TMEM132D: variants seen among roughly 807,000 people sequenced by gnomAD.
TMEM132D encodes the protein mature OL transmembrane protein.
Under a neutral mutation model 62.3 loss-of-function variants are expected in TMEM132D, and 21 were observed. The ratio of observed to expected loss-of-function variants is 0.34; its 90% confidence interval spans 0.24 to 0.49. TMEM132D has a LOEUF of 0.49. Among genes scored for constraint, TMEM132D ranks in the 20% least tolerant of loss-of-function variants. The pLI, the probability that TMEM132D is intolerant of heterozygous loss-of-function variation, is 0.99. For synonymous variants in TMEM132D, 621 were observed against 575.6 expected (o/e 1.08, Z -1.13); for missense variants, 1,346 against 1,402.8 (o/e 0.96, Z 0.65).
At chr12:129,213,125 C>T (rs906650293) in intron 4 of TMEM132D, among the ~76,000 whole-genome samples, 3 of 152,146 alleles carry the variant, frequency 2.0e-5, no homozygotes, top group Admixed American at 6.5e-5. Context: ...GGGGCTGATC[C>T]TGCAGGGGAT....
At chr12:129,811,212 T>C (rs1440450659) in intron 1 of TMEM132D, among the ~76,000 whole-genome samples, 1 of 151,618 alleles carries the variant, frequency 6.6e-6, no homozygotes, top group East Asian at 1.9e-4. Context: ...AAATGTACAA[T>C]ATTATAAAGA....
intron 2 of TMEM132D, among the ~76,000 whole-genome samples, chr12:129,571,747 C>A (rs994593428): frequency 1.3e-5 from 2 of 151,904 alleles, no homozygotes; most frequent in African/African-American, 4.8e-5. Flanking sequence ...GTAAATTGAC[C>A]CCATTTTTGA....
At chr12:129,368,263 G>GTGTGTGTGTA (rs1281585628) in intron 3 of TMEM132D, among the ~76,000 whole-genome samples, 1 of 150,966 alleles carries the variant, frequency 6.6e-6, no homozygotes, top group African/African-American at 2.4e-5. Context: ...GTGTGTGTGT[G>GTGTGTGTGTA]TACACATACA....
chr12:129,244,409 AC>A (rs775048389), intron 4 of TMEM132D, among the ~76,000 whole-genome samples: 159 of 141,640 alleles, frequency 1.1e-3, no homozygotes, highest in African/African-American at 2.4e-3. Context: ...AAAAAAAAAA[AC>A]AAACAAAAAG....
chr12:129,877,296 C>T (rs1874445484), intron 1 of TMEM132D, among the ~76,000 whole-genome samples: 1 of 151,456 alleles, frequency 6.6e-6, no homozygotes, highest in Non-Finnish European at 1.5e-5. Flanking sequence ...GAGAACCACA[C>T]ACTGTGGGTA....
intron 3 of TMEM132D, among the ~76,000 whole-genome samples, chr12:129,424,013 G>C (rs1034786245): frequency 6.6e-6 from 1 of 152,032 alleles, no homozygotes; most frequent in Non-Finnish European, 1.5e-5. Flanking sequence ...CCAGCCTTTT[G>C]TTACCCGTTC....
chr12:129,408,445 T>TC (rs1319425215), intron 3 of TMEM132D, among the ~76,000 whole-genome samples: 1 of 151,944 alleles, frequency 6.6e-6, no homozygotes, highest in African/African-American at 2.4e-5. Flanking sequence ...AGTAGCTTTT[T>TC]TTTTTTTTAT....
intron 3 of TMEM132D, among the ~76,000 whole-genome samples, chr12:129,462,038 A>G (rs1000900788): frequency 8.5e-5 from 13 of 152,216 alleles, no homozygotes; most frequent in African/African-American, 3.1e-4. Context: ...ACTCAAGGCC[A>G]CAGAGCCAAC....
chr12:129,591,450 A>G (rs528567570), intron 2 of TMEM132D, among the ~76,000 whole-genome samples: 1 of 152,194 alleles, frequency 6.6e-6, no homozygotes, highest in East Asian at 1.9e-4. Flanking sequence ...GGCTTCATAC[A>G]TTCCATTCTT....
At chr12:129,502,198 A>C (rs1409765387) in intron 3 of TMEM132D, among the ~76,000 whole-genome samples, 1 of 151,724 alleles carries the variant, frequency 6.6e-6, no homozygotes, top group Non-Finnish European at 1.5e-5. Context: ...ACGGGGTTTC[A>C]CTGTGTTAGC....
intron 2 of TMEM132D, among the ~76,000 whole-genome samples, chr12:129,675,152 G>A (rs1593115356): frequency 6.6e-6 from 1 of 152,096 alleles, no homozygotes; most frequent in African/African-American, 2.4e-5. Context: ...CAAGAAAAGG[G>A]ATACAAAGCT....
chr12:129,504,046 A>C (rs1875253677), intron 3 of TMEM132D, among the ~76,000 whole-genome samples: 1 of 151,300 alleles, frequency 6.6e-6, no homozygotes, highest in Non-Finnish European at 1.5e-5. Context: ...CATTACTGTC[A>C]TCATCATCAT....
intron 3 of TMEM132D, among the ~76,000 whole-genome samples, chr12:129,513,972 G>A (rs989541646): frequency 6.6e-6 from 1 of 150,878 alleles, no homozygotes; most frequent in Non-Finnish European, 1.5e-5. Context: ...CGAGTAGCTG[G>A]GACTACAGGC....
At chr12:129,238,885 T>C (rs1879857020) in intron 4 of TMEM132D, among the ~76,000 whole-genome samples, 1 of 152,234 alleles carries the variant, frequency 6.6e-6, no homozygotes, top group Non-Finnish European at 1.5e-5. Context: ...CTATGTTCAA[T>C]TGAGGAATTG....
chr12:129,884,311 TAAAC>T (rs1467764646), intron 1 of TMEM132D, among the ~76,000 whole-genome samples: 1 of 152,192 alleles, frequency 6.6e-6, no homozygotes, highest in Non-Finnish European at 1.5e-5. Flanking sequence ...CATGTTAAAA[TAAAC>T]AACATGCTAT....
At chr12:129,518,742 T>C (rs993503811) in intron 3 of TMEM132D, among the ~76,000 whole-genome samples, 2 of 152,150 alleles carry the variant, frequency 1.3e-5, no homozygotes, top group African/African-American at 4.8e-5. Flanking sequence ...CTCTGTTACA[T>C]TTTGCTTGTG....
chr12:129,087,719 C>T (rs570667053), intron 5 of TMEM132D, among the ~76,000 whole-genome samples: 31 of 152,330 alleles, frequency 2.0e-4, no homozygotes, highest in Non-Finnish European at 3.4e-4. Context: ...TTCAGACTTT[C>T]GGCCTTCAGA....
At chr12:129,318,483 C>T (rs1178369855) in intron 4 of TMEM132D, among the ~76,000 whole-genome samples, 2 of 152,142 alleles carry the variant, frequency 1.3e-5, no homozygotes, top group African/African-American at 2.4e-5. Context: ...GCATAGAGTC[C>T]TGTGATGTGA....
At chr12:129,431,070 G>A (rs368921954) in intron 3 of TMEM132D, among the ~76,000 whole-genome samples, 1 of 152,178 alleles carries the variant, frequency 6.6e-6, no homozygotes, top group Admixed American at 6.5e-5. Context: ...TCTTGGGCAG[G>A]GGGCTTCCAG....
Sources: allele counts gnomAD v4.1 joint callset (sites outside exome capture counted in the v4.1 genomes callset), GRCh38; gene constraint gnomAD v4.1.1; transcripts MANE v1.5; gene names NCBI Gene and HGNC (gene_info 2026-07-23, HGNC 2026-07-21).